Variants in MEF2C observed in about 807,000 individuals in gnomAD.
MEF2C encodes the protein myocyte enhancer factor 2C.
A neutral mutation model predicts 50.5 loss-of-function variants in MEF2C; 6 were observed. That is an observed-to-expected ratio of 0.12 (90% CI 0.07 to 0.23). MEF2C has a LOEUF of 0.23. MEF2C is among the 10% of genes least tolerant of loss of function. The pLI, the probability that MEF2C is intolerant of heterozygous loss-of-function variation, is 1.00. For missense variants in MEF2C, 276 were observed against 605.0 expected (o/e 0.46, Z 5.70); for synonymous variants, 183 against 228.0 (o/e 0.80, Z 1.78).
At chr5:88,854,695 A>G (rs1161903593) in intron 1 of MEF2C, among the ~76,000 whole-genome samples, 1 of 152,216 alleles carries the variant, frequency 6.6e-6, no homozygotes, top group Non-Finnish European at 1.5e-5. Context: ...AAGATGAGTA[A>G]GGTGCAGTCT....
At chr5:88,762,413 G>C (rs1235228127) in intron 3 of MEF2C, among the ~76,000 whole-genome samples, 1 of 152,036 alleles carries the variant, frequency 6.6e-6, no homozygotes, top group East Asian at 1.9e-4. Flanking sequence ...GAGTGGCTGG[G>C]TACATCACCA....
intron 1 of MEF2C, chr5:88,838,622 T>G: frequency 1.0e-6 from 1 of 985,222 alleles, no homozygotes; most frequent in Non-Finnish European, 1.2e-6. Flanking sequence ...CTTGAAGCAG[T>G]CATTTTGCTT....
chr5:88,897,459 G>A (rs1453414995), intron 1 of MEF2C, among the ~76,000 whole-genome samples: 1 of 152,120 alleles, frequency 6.6e-6, no homozygotes, highest in Non-Finnish European at 1.5e-5. Context: ...CTAAAACTTG[G>A]TGAATGTGTA....
At chr5:88,769,041 A>C (rs928435020) in intron 3 of MEF2C, among the ~76,000 whole-genome samples, 3 of 152,224 alleles carry the variant, frequency 2.0e-5, no homozygotes, top group Admixed American at 6.5e-5. Context: ...CTCAGTGATC[A>C]AAAGTGTAGC....
chr5:88,755,025 T>A (rs1282597169), intron 4 of MEF2C, among the ~76,000 whole-genome samples: 1 of 152,208 alleles, frequency 6.6e-6, no homozygotes, highest in Non-Finnish European at 1.5e-5. Flanking sequence ...CTGCAATTTG[T>A]CCTGCCCCTT....
intron 2 of MEF2C, among the ~76,000 whole-genome samples, chr5:88,810,203 A>C (rs1488320812): frequency 2.0e-5 from 3 of 152,284 alleles, no homozygotes; most frequent in African/African-American, 4.8e-5. Context: ...ATCTCTCAAA[A>C]ATAGAGATTT....
At chr5:88,813,565 A>C (rs1028822940) in intron 2 of MEF2C, among the ~76,000 whole-genome samples, 3 of 152,082 alleles carry the variant, frequency 2.0e-5, no homozygotes, top group African/African-American at 7.2e-5. Context: ...CTGAAAGAAA[A>C]GGACCTTTAG....
intron 1 of MEF2C, among the ~76,000 whole-genome samples, chr5:88,848,710 T>C (rs1048506055): frequency 6.6e-5 from 10 of 152,198 alleles, no homozygotes; most frequent in African/African-American, 1.4e-4. Flanking sequence ...TCCATTTGCC[T>C]ATGTCATTCT....
chr5:88,850,018 G>A (rs1820724886), intron 1 of MEF2C, among the ~76,000 whole-genome samples: 1 of 152,062 alleles, frequency 6.6e-6, no homozygotes, highest in African/African-American at 2.4e-5. Context: ...CATGTGCCAT[G>A]TTGGTGTGCT....
At chr5:88,798,171 T>C (rs574851760) in intron 3 of MEF2C, among the ~76,000 whole-genome samples, 13 of 152,314 alleles carry the variant, frequency 8.5e-5, no homozygotes, top group African/African-American at 3.1e-4. Flanking sequence ...ATTTACTGAA[T>C]TTGAATGTTG....
rs963193300 is a variant in MEF2C, at chr5:88,720,734, TTA to T, written c.*1868_*1869del. 4 of 152,576 alleles carry T rather than the reference TTA, an allele frequency of 2.6e-5. No individual in the cohort carries two copies. The highest frequency in any genetic ancestry group is 9.7e-5 in the African/African-American group (4 of 41,442). 9.5% of individuals were successfully genotyped at this position (152,576 alleles called of 1,614,324 possible). A position where few individuals can be genotyped will look rare whatever the true frequency, so the allele number is the denominator to read the frequency against. On this transcript the variant is annotated 3_prime_UTR_variant, in exon 11 of 11. Coordinates refer to ENST00000504921, the MANE Select transcript of MEF2C (RefSeq NM_002397.5). ...ATATTGACTTTCTTATGGCACTCACTTATTAAAGGGTCTGAAAATTAATCCCT... is the reference window on the plus strand; with the variant it reads ...ATATTGACTTTCTTATGGCACTCACTTTAAAGGGTCTGAAAATTAATCCCT...
chr5:88,737,370 C>G, intron 6 of MEF2C: 10 of 985,372 alleles, frequency 1.0e-5, no homozygotes, highest in Non-Finnish European at 1.2e-5. Context: ...TCTTTTCTAC[C>G]TGTTGCACCT....
chr5:88,861,873 A>C lies in MEF2C; in HGVS notation c.-143+21082T>G, dbSNP rs557141762. ...TTTTCTAATTGCATGTATGATGTTAATGTATTATCTATTTGAGATCAAATT... is the reference window on the plus strand; with the variant it reads ...TTTTCTAATTGCATGTATGATGTTACTGTATTATCTATTTGAGATCAAATT... On this transcript the variant is annotated intron_variant, in intron 1 of 10. Transcript: ENST00000504921. 1.3e-5 allele frequency among the ~76,000 whole-genome samples: 2 copies of C among 152,326 alleles called. 1 individual carries two copies.
At chr5:88,803,125 A>T (rs1297053864) in intron 3 of MEF2C, among the ~76,000 whole-genome samples, 1 of 152,230 alleles carries the variant, frequency 6.6e-6, no homozygotes, top group African/African-American at 2.4e-5. Flanking sequence ...CAAATAAAAA[A>T]CTATCTGAAA....
In MEF2C at chr5:88,718,383, G is replaced by A. The variant is rs1260621545; in HGVS notation, c.*4221C>T. ...AAGTCCCTTGAGATACACAGATGTG[G>A]TTTAACTTAGTTATAACATCTTGTC... On this transcript the variant is annotated 3_prime_UTR_variant, in exon 11 of 11. Coordinates refer to ENST00000504921, the MANE Select transcript of MEF2C (RefSeq NM_002397.5). The A allele has an allele frequency of 3.3e-5, 5 of 152,074 alleles. No individual in the cohort carries two copies. Among genetic ancestry groups the A allele is most frequent in the Non-Finnish European group, 7.4e-5 (5 of 68,010 alleles). 9.4% of individuals were successfully genotyped at this position (152,074 alleles called of 1,614,324 possible).
intron 6 of MEF2C, chr5:88,747,925 A>T: frequency 4.5e-6 from 2 of 441,422 alleles, no homozygotes; most frequent in Non-Finnish European, 6.0e-6. Flanking sequence ...TTGAGGGAAA[A>T]AATTTCATTT....
chr5:88,742,543 A>G, intron 6 of MEF2C: 1 of 980,974 alleles, frequency 1.0e-6, no homozygotes, highest in Non-Finnish European at 1.2e-6. Context: ...CAATTTGTGA[A>G]GTCAGAAATC....
chr5:88,770,436 C>A (rs553450110), intron 3 of MEF2C, among the ~76,000 whole-genome samples: 1 of 152,290 alleles, frequency 6.6e-6, no homozygotes, highest in South Asian at 2.1e-4. Context: ...ATTTGAAATG[C>A]GAGTAGCTTA....
intron 1 of MEF2C, among the ~76,000 whole-genome samples, chr5:88,859,649 A>G (rs1824799260): frequency 6.6e-6 from 1 of 152,234 alleles, no homozygotes. Context: ...AGAAGCCAAT[A>G]ATTTGAAAAT....
Sources: gnomAD v4.1 joint callset for allele counts (sites outside exome capture counted in the v4.1 genomes callset) on GRCh38, gnomAD v4.1.1 for gene constraint, MANE v1.5 for transcripts, NCBI Gene and HGNC (gene_info 2026-07-23, HGNC 2026-07-21) for gene names.